SOX5: variants seen among roughly 807,000 people sequenced by gnomAD.
SOX5 encodes SRY-box transcription factor 5.
A neutral mutation model predicts 92.0 loss-of-function variants in SOX5; 9 were observed. The ratio of observed to expected loss-of-function variants is 0.10; its 90% CI spans 0.06 to 0.17. The LOEUF is 0.17. SOX5 is among the 10% of genes least tolerant of loss of function. The pLI, the probability that SOX5 is intolerant of heterozygous loss-of-function variation, is 1.00. For synonymous variants in SOX5, 344 were observed against 336.3 expected (o/e 1.02, Z -0.25); for missense variants, 642 against 944.5 (o/e 0.68, Z 4.20).
At chr12:23,956,991 A>G (rs1946363841) in intron 4 of SOX5, among the ~76,000 whole-genome samples, 4 of 152,184 alleles carry the variant, frequency 2.6e-5, no homozygotes, top group African/African-American at 4.8e-5. Flanking sequence ...TTAATGTCTC[A>G]GAGAATGTGA....
At chr12:23,541,412 C>T (rs1942014866) in intron 13 of SOX5, among the ~76,000 whole-genome samples, 1 of 152,118 alleles carries the variant, frequency 6.6e-6, no homozygotes, top group Non-Finnish European at 1.5e-5. Flanking sequence ...TATATTAAAA[C>T]ATGAAATATG....
intron 10 of SOX5, among the ~76,000 whole-genome samples, chr12:23,571,489 A>G (rs1012865987): frequency 6.6e-6 from 1 of 152,168 alleles, no homozygotes; most frequent in Admixed American, 6.5e-5. Flanking sequence ...CTCCAGACTA[A>G]GCAAAACGTA....
At chr12:24,210,500 T>C (rs1958488375) in intron 4 of SOX5, among the ~76,000 whole-genome samples, 1 of 152,236 alleles carries the variant, frequency 6.6e-6, no homozygotes, top group African/African-American at 2.4e-5. Flanking sequence ...ATCTTCTCTT[T>C]CAAATAGGAG....
intron 4 of SOX5, among the ~76,000 whole-genome samples, chr12:24,003,280 T>G (rs948636513): frequency 2.6e-5 from 4 of 152,058 alleles, no homozygotes; most frequent in Non-Finnish European, 4.4e-5. Flanking sequence ...GATTTCCATT[T>G]AACATTGTAC....
intron 1 of SOX5, among the ~76,000 whole-genome samples, chr12:23,926,508 T>C (rs1939982965): frequency 6.6e-6 from 1 of 151,406 alleles, no homozygotes; most frequent in South Asian, 2.1e-4. Context: ...TTATGTTTAG[T>C]ATATTCAAAA....
intron 4 of SOX5, among the ~76,000 whole-genome samples, chr12:23,977,894 C>G (rs4576914): frequency 0.78 from 118,427 of 152,058 alleles, 46,328 homozygotes; most frequent in East Asian, 0.95. Context: ...GGCTTTTGTT[C>G]GCTGGCCTGG....
In SOX5 at chr12:23,962,726, GC is replaced by G. The variant is rs762435513; in HGVS notation, c.-1-66703del. Among the ~76,000 whole-genome samples the G allele has an allele frequency of 7.2e-4, 109 of 152,208 alleles. 1 individual carries two copies. Among genetic ancestry groups the G allele is most frequent in the Non-Finnish European group, 1.2e-3 (79 of 68,002 alleles). ...GATTGCATTTAAAGTGATCAAATAT[GC>G]AATTGCCCACTGTTGTCCTTTTCTT... On this transcript the variant is annotated intron_variant, in intron 4 of 4. Coordinates refer to the SOX5 transcript ENST00000446891.
chr12:24,384,817 A>G (rs1330875841), intron 1 of SOX5, among the ~76,000 whole-genome samples: 1 of 152,154 alleles, frequency 6.6e-6, no homozygotes, highest in Non-Finnish European at 1.5e-5. Context: ...TCAGCAAGGG[A>G]TCTCCTGAAA....
chr12:24,173,399 A>G (rs1235900307), intron 4 of SOX5, among the ~76,000 whole-genome samples: 1 of 152,100 alleles, frequency 6.6e-6, no homozygotes, highest in Non-Finnish European at 1.5e-5. Flanking sequence ...TTTTCCAGCT[A>G]TCTGCTGGTC....
intron 1 of SOX5, among the ~76,000 whole-genome samples, chr12:24,445,421 T>C (rs1342035135): frequency 6.6e-6 from 1 of 152,216 alleles, no homozygotes; most frequent in Admixed American, 6.5e-5. Flanking sequence ...ATGAGTTTCA[T>C]ATAGATTCAA....
intron 4 of SOX5, among the ~76,000 whole-genome samples, chr12:23,745,144 T>C (rs1270609397): frequency 6.6e-6 from 1 of 152,170 alleles, no homozygotes; most frequent in Non-Finnish European, 1.5e-5. Context: ...TAGGGGAAAG[T>C]GCGTAGTTCA....
chr12:24,449,535 G>A (rs759394279), intron 1 of SOX5, among the ~76,000 whole-genome samples: 9 of 152,122 alleles, frequency 5.9e-5, no homozygotes, highest in Non-Finnish European at 8.8e-5. Flanking sequence ...TTTTCATGTC[G>A]CTTTGTGTTG....
chr12:24,187,149 C>T (rs1402937411), intron 4 of SOX5, among the ~76,000 whole-genome samples: 3 of 152,152 alleles, frequency 2.0e-5, no homozygotes, highest in Non-Finnish European at 1.5e-5. Flanking sequence ...GGGGCTTTTA[C>T]TTTGCGTGGC....
intron 3 of SOX5, among the ~76,000 whole-genome samples, chr12:24,256,658 G>A: frequency 6.6e-6 from 1 of 151,406 alleles, no homozygotes; most frequent in East Asian, 1.9e-4. Flanking sequence ...GAGAGAAGAG[G>A]GGCAGGGTGG....
chr12:24,084,510 T>C (rs779592017), intron 4 of SOX5, among the ~76,000 whole-genome samples: 4 of 152,112 alleles, frequency 2.6e-5, no homozygotes, highest in Non-Finnish European at 4.4e-5. Context: ...ATGTGTGATA[T>C]TCTTTAAAAT....
chr12:24,416,257 C>A (rs1351170322), intron 1 of SOX5, among the ~76,000 whole-genome samples: 1 of 152,200 alleles, frequency 6.6e-6, no homozygotes, highest in African/African-American at 2.4e-5. Flanking sequence ...CTCGGTCAGT[C>A]CTGGTTTATT....
At chr12:23,631,022 C>A (rs898871592) in intron 8 of SOX5, among the ~76,000 whole-genome samples, 1 of 151,980 alleles carries the variant, frequency 6.6e-6, no homozygotes, top group South Asian at 2.1e-4. Context: ...AGACTCCACC[C>A]TATGTTACAA....
chr12:24,033,167 T>C (rs546686482), intron 4 of SOX5, among the ~76,000 whole-genome samples: 1 of 152,088 alleles, frequency 6.6e-6, no homozygotes, highest in Non-Finnish European at 1.5e-5. Context: ...GTAACTTATC[T>C]TAATTTGTTG....
At chr12:23,554,515 G>T (rs1164785849) in intron 11 of SOX5, among the ~76,000 whole-genome samples, 3 of 152,114 alleles carry the variant, frequency 2.0e-5, no homozygotes, top group African/African-American at 7.2e-5. Context: ...AGACTGATCT[G>T]CCACTTGAAT....
Sources: gnomAD v4.1 joint callset for allele counts (sites outside exome capture counted in the v4.1 genomes callset) on GRCh38, gnomAD v4.1.1 for gene constraint, MANE v1.5 for transcripts, NCBI Gene and HGNC (gene_info 2026-07-23, HGNC 2026-07-21) for gene names.